COBL: variants seen among roughly 807,000 people sequenced by gnomAD.
The protein encoded by COBL is cordon-bleu WH2 repeat protein, also known as protein cordon-bleu.
COBL carries 51 observed loss-of-function variants against 98.8 expected under a neutral mutation model. The observed-to-expected ratio is 0.52, with a 90% confidence interval of 0.41 to 0.65. The LOEUF (loss-of-function observed/expected upper bound fraction) is 0.65, where lower values mean the gene tolerates loss of function less well. Among genes scored for constraint, COBL ranks in the 30% least tolerant of loss-of-function variants. The probability of loss-of-function intolerance (pLI) is 0.00; values close to 1 mark genes in which losing one functional copy is unlikely to be tolerated. For missense variants in COBL, 1,617 were observed against 1,617.5 expected, an observed-to-expected ratio of 1.00 and a Z score of 0.01; for synonymous variants, 634 against 651.7, an observed-to-expected ratio of 0.97 and a Z score of 0.41.
chr7:51,237,756 C>T (rs910829283), intron 1 of COBL, among the ~76,000 whole-genome samples: 1 of 152,118 alleles, frequency 6.6e-6, no homozygotes, highest in African/African-American at 2.4e-5. Flanking sequence ...GAAACAGGAA[C>T]GTGTTCAGTA....
At chr7:51,126,008 A>G (rs1236253428) in intron 6 of COBL, among the ~76,000 whole-genome samples, 2 of 152,130 alleles carry the variant, frequency 1.3e-5, no homozygotes, top group East Asian at 3.9e-4. Context: ...TTCTCCTCTG[A>G]ATGCCTTTTA....
At chr7:51,018,344 A>T (rs1423637089) in intron 12 of COBL, 1 of 152,356 alleles carries the variant, frequency 6.6e-6, no homozygotes, top group South Asian at 2.1e-4. Flanking sequence ...CATCCCTCGC[A>T]TCAATCTTAC....
At chr7:51,100,516 C>T (rs1795712538) in intron 6 of COBL, among the ~76,000 whole-genome samples, 1 of 152,200 alleles carries the variant, frequency 6.6e-6, no homozygotes, top group Non-Finnish European at 1.5e-5. Context: ...TAAGCTCTCA[C>T]TGATGGCTGT....
chr7:51,023,810 C>T (rs543198563), intron 12 of COBL, among the ~76,000 whole-genome samples: 10 of 152,324 alleles, frequency 6.6e-5, no homozygotes, highest in Admixed American at 2.0e-4. Context: ...CTGCTCTCTA[C>T]GGAGCACACA....
chr7:51,025,025 C>A, intron 12 of COBL, 84 bp downstream of exon 12: 3 of 1,582,514 alleles, frequency 1.9e-6, no homozygotes, highest in Non-Finnish European at 2.6e-6. Context: ...GCAGCTCCTG[C>A]CCACAGGCAA....
At chr7:51,055,676 C>T (rs943822111) in intron 7 of COBL, among the ~76,000 whole-genome samples, 6 of 152,196 alleles carry the variant, frequency 3.9e-5, no homozygotes, top group African/African-American at 1.2e-4. Context: ...TGCTGCCGGC[C>T]GGCCGGCCTG....
intron 1 of COBL, among the ~76,000 whole-genome samples, chr7:51,220,905 T>C (rs1176364193): frequency 6.6e-6 from 1 of 152,210 alleles, no homozygotes; most frequent in African/African-American, 2.4e-5. Context: ...CCTTATTTTA[T>C]ACATAGAATA....
Position 51,028,302 on chromosome 7 carries a change from G to T in COBL, c.2794C>A (p.Pro932Thr). The change falls in exon 10 of 13, where the codon CCC becomes ACC. Residue 932 changes from proline to threonine, a missense_variant. Around this residue, in one of 3 missense-constraint regions of COBL, gnomAD observed 1,304 missense variants for 1,282.0 expected, o/e 1.02. Coordinates refer to ENST00000265136, the MANE Select transcript of COBL (RefSeq NM_015198.5). ...TGGTTGTTGGGAGGAGTGACACAGG[G>T]CCACTGGGCACCATCCTTCCATCCT... ...TQGWKDGAQW[P>T]CVTPPNNHGE... The T allele has an allele frequency of 6.2e-7, 1 of 1,614,222 alleles. No homozygotes were observed. The highest frequency in any genetic ancestry group is 8.5e-7 in the Non-Finnish European group (1 of 1,180,036).
At chr7:51,166,779 G>T (rs1177320461) in intron 5 of COBL, among the ~76,000 whole-genome samples, 1 of 152,016 alleles carries the variant, frequency 6.6e-6, no homozygotes, top group African/African-American at 2.4e-5. Context: ...TTTATCCCTG[G>T]GGATGCAAGG....
chr7:51,047,535 T>C (rs941314032), intron 7 of COBL, among the ~76,000 whole-genome samples: 4 of 152,254 alleles, frequency 2.6e-5, no homozygotes, highest in Admixed American at 1.3e-4. Context: ...AATTTTGGAA[T>C]GGATTCATTT....
At chr7:51,297,902 A>C (rs185707227) in intron 1 of COBL, among the ~76,000 whole-genome samples, 57 of 152,334 alleles carry the variant, frequency 3.7e-4, no homozygotes, top group Middle Eastern at 3.4e-3. Flanking sequence ...AAGACAATCA[A>C]GACCATATTG....
intron 6 of COBL, among the ~76,000 whole-genome samples, chr7:51,135,151 G>A (rs1454827910): frequency 1.3e-5 from 2 of 151,978 alleles, no homozygotes; most frequent in Non-Finnish European, 2.9e-5. Flanking sequence ...TAGTAGAGAC[G>A]GGATTTCACC....
intron 1 of COBL, among the ~76,000 whole-genome samples, chr7:51,253,087 G>A (rs373046747): frequency 2.0e-5 from 3 of 152,064 alleles, no homozygotes; most frequent in South Asian, 4.1e-4. Context: ...ACCCAGTCAT[G>A]GTGGCGGGCA....
At chr7:51,102,372 T>C (rs957028316) in intron 6 of COBL, among the ~76,000 whole-genome samples, 2 of 152,234 alleles carry the variant, frequency 1.3e-5, no homozygotes, top group Non-Finnish European at 1.5e-5. Flanking sequence ...ATGTACATCA[T>C]CCTCGAGGTC....
chr7:51,248,542 T>C (rs1796461843), intron 1 of COBL, among the ~76,000 whole-genome samples: 1 of 152,230 alleles, frequency 6.6e-6, no homozygotes, highest in African/African-American at 2.4e-5. Context: ...TCTAAAAATG[T>C]GTATTTTGAG....
At chr7:51,078,967 C>A (rs924116854) in intron 7 of COBL, among the ~76,000 whole-genome samples, 1 of 152,210 alleles carries the variant, frequency 6.6e-6, no homozygotes, top group Non-Finnish European at 1.5e-5. Context: ...AAGATGGAGA[C>A]CACAGTCCTT....
At chr7:51,041,586 C>T (rs746419099) in intron 8 of COBL, among the ~76,000 whole-genome samples, 1 of 143,954 alleles carries the variant, frequency 6.9e-6, no homozygotes, top group African/African-American at 2.6e-5. Context: ...AGTGTTCAAG[C>T]GATTCTCTTG....
Position 51,255,473 on chromosome 7 carries a change from T to C in COBL, c.42-35529A>G, listed in dbSNP as rs866733528. ...CCTCCTTCACTTGCAGTGAGACCAG[T>C]TGTCTTTCATTCCCGCATCGTGTTC... On this transcript the variant is annotated intron_variant, in intron 1 of 12. Coordinates refer to ENST00000265136, the MANE Select transcript of COBL (RefSeq NM_015198.5). 9.8e-5 allele frequency among the ~76,000 whole-genome samples: 15 copies of C among 152,298 alleles called. No homozygotes were observed. In the Middle Eastern group the frequency reaches 0.01, roughly 104 times the overall value.
At chr7:51,282,819 T>C (rs1017814298) in intron 1 of COBL, among the ~76,000 whole-genome samples, 1 of 141,864 alleles carries the variant, frequency 7.0e-6, no homozygotes, top group Non-Finnish European at 1.6e-5. Context: ...TTACCAAATA[T>C]AAAAAAAAAA....
Sources: gnomAD v4.1 joint callset for allele counts (sites outside exome capture counted in the v4.1 genomes callset) on GRCh38, gnomAD v4.1.1 for gene constraint, gnomAD v4.1.1 regional missense constraint, MANE v1.5 for transcripts, NCBI Gene and HGNC (gene_info 2026-07-23, HGNC 2026-07-21) for gene names.